DCAF10: variants seen among roughly 807,000 people sequenced by gnomAD.
The protein encoded by DCAF10 is DDB1 and CUL4 associated factor 10, also known as DDB1- and CUL4-associated factor 10.
A neutral mutation model predicts 51.9 loss-of-function variants in DCAF10; 19 were observed. That is an observed-to-expected ratio of 0.37 (90% CI 0.26 to 0.54). The LOEUF (loss-of-function observed/expected upper bound fraction) is 0.54, where lower values mean the gene tolerates loss of function less well. DCAF10 is among the 20% of genes least tolerant of loss of function. DCAF10 has a pLI of 0.87. For missense variants in DCAF10, 510 were observed against 730.6 expected (o/e 0.70, Z 3.48); for synonymous variants, 291 against 297.1 (o/e 0.98, Z 0.21).
rs1403129126 is a variant in DCAF10 at position 37,801,060 on chromosome 9, C to T, written c.194C>T (p.Ala65Val). 2.0e-6 allele frequency: 3 copies of T among 1,532,858 alleles called. No homozygotes were observed. The highest frequency in any genetic ancestry group is 2.6e-6 in the Non-Finnish European group (3 of 1,148,008). 95.0% of individuals were successfully genotyped at this position (1,532,858 alleles called of 1,614,324 possible). A position where few individuals can be genotyped will look rare whatever the true frequency, so the allele number is the denominator to read the frequency against. The change falls in exon 1 of 7, where the codon GCC becomes GTC. Residue 65 changes from alanine to valine, a missense_variant. This residue lies in a region of DCAF10 where 251 missense variants were observed against 227.9 expected (regional missense o/e 1.10). Transcript: ENST00000377724. This position sits in a 1 kb window ranked among gnomAD's most constrained non-coding sequence, Gnocchi z 5.5. ...RRPGAPSLSP[A>V]PRSGELGLPG... ...CCCGGCGCCCCATCGCTGTCCCCGG[C>T]CCCGCGCTCCGGAGAGCTAGGGCTG...
intron 2 of DCAF10, among the ~76,000 whole-genome samples, chr9:37,837,457 CAAAAAAA>C (rs555983041): frequency 4.7e-5 from 4 of 85,674 alleles, no homozygotes; most frequent in South Asian, 1.1e-3. Context: ...GACTCCATCT[CAAAAAAA>C]AAAAAAAAAA....
At chr9:37,836,954 A>G (rs1000695952) in intron 2 of DCAF10, among the ~76,000 whole-genome samples, 3 of 152,164 alleles carry the variant, frequency 2.0e-5, no homozygotes, top group African/African-American at 4.8e-5. Flanking sequence ...TAGATCAAAC[A>G]CATTTATGGC....
At chr9:37,811,182 A>C (rs988126253) in intron 1 of DCAF10, among the ~76,000 whole-genome samples, 2 of 151,964 alleles carry the variant, frequency 1.3e-5, no homozygotes, top group Non-Finnish European at 2.9e-5. Flanking sequence ...AAATCTAAAA[A>C]TTAGCTGGGC....
chr9:37,864,138 T>G lies in DCAF10; in HGVS notation c.*2630T>G, dbSNP rs1014249248. 2.0e-5 allele frequency: 3 copies of G among 148,930 alleles called. No homozygotes were observed. Among genetic ancestry groups the G allele is most frequent in the South Asian group, 4.3e-4 (2 of 4,696 alleles). The allele number at this position is 148,930 out of a possible 1,614,324, so 9.2% of individuals were successfully genotyped here. A position where few individuals can be genotyped will look rare whatever the true frequency, so the allele number is the denominator to read the frequency against. On this transcript the variant is annotated 3_prime_UTR_variant, in exon 7 of 7. Coordinates refer to ENST00000377724, the MANE Select transcript of DCAF10 (RefSeq NM_024345.5). Reference sequence around the variant, plus strand: ...CCATCTCTACCAAAAATACAAAAATTAGATGGGCATGTTGGTACACGCCTG... The same window carrying G: ...CCATCTCTACCAAAAATACAAAAATGAGATGGGCATGTTGGTACACGCCTG...
At chr9:37,859,824 A>G (rs1276037858) in intron 5 of DCAF10, among the ~76,000 whole-genome samples, 1 of 152,126 alleles carries the variant, frequency 6.6e-6, no homozygotes. Flanking sequence ...TGCTGTGGGA[A>G]CTTGGATCTT....
chr9:37,839,208 G>A (rs960054464), intron 2 of DCAF10, among the ~76,000 whole-genome samples: 8 of 151,770 alleles, frequency 5.3e-5, no homozygotes, highest in South Asian at 2.1e-4. Flanking sequence ...ACAGGCGCCC[G>A]CCACCATGCC....
At chr9:37,860,300 G>C in intron 6 of DCAF10, 107 bp downstream of exon 6, 1 of 1,415,166 alleles carries the variant, frequency 7.1e-7, no homozygotes, top group Non-Finnish European at 9.7e-7. Flanking sequence ...GCCTTCAAGG[G>C]CATACTGCTA....
At chr9:37,808,456 T>TATAA in intron 1 of DCAF10, among the ~76,000 whole-genome samples, 1 of 133,610 alleles carries the variant, frequency 7.5e-6, no homozygotes, top group Non-Finnish European at 1.5e-5. Context: ...TAAAAGTATA[T>TATAA]TATATATAAT....
chr9:37,813,344 C>G (rs1829411881), intron 1 of DCAF10, among the ~76,000 whole-genome samples: 2 of 152,204 alleles, frequency 1.3e-5, no homozygotes, highest in Admixed American at 1.3e-4. Flanking sequence ...TATCCTCCTG[C>G]CTTGGACTCC....
intron 2 of DCAF10, among the ~76,000 whole-genome samples, chr9:37,840,255 C>T (rs1830291825): frequency 6.6e-6 from 1 of 152,024 alleles, no homozygotes; most frequent in Admixed American, 6.5e-5. Context: ...AGAATGTACT[C>T]CTACTTAAAA....
intron 6 of DCAF10, chr9:37,860,408 T>C: frequency 1.9e-6 from 1 of 522,490 alleles, no homozygotes; most frequent in Non-Finnish European, 3.1e-6. Flanking sequence ...CTGCTGGGGT[T>C]GAGCAAGGTG....
At chr9:37,823,823 T>C (rs991777841) in intron 2 of DCAF10, among the ~76,000 whole-genome samples, 14 of 151,946 alleles carry the variant, frequency 9.2e-5, no homozygotes, top group Non-Finnish European at 1.8e-4. Context: ...TTTACTTTCA[T>C]TTTTTTCATG....
chr9:37,837,861 A>C (rs1456293009), intron 2 of DCAF10, among the ~76,000 whole-genome samples: 1 of 150,984 alleles, frequency 6.6e-6, no homozygotes, highest in African/African-American at 2.4e-5. Flanking sequence ...AAAAAAAAAG[A>C]ATTAAAATTT....
intron 2 of DCAF10, 39 bp downstream of exon 2, chr9:37,819,440 G>T (rs758384818): frequency 6.7e-7 from 1 of 1,487,368 alleles, no homozygotes; most frequent in East Asian, 2.3e-5. Context: ...TATCAGTGTG[G>T]CCCAAAATGT....
intron 3 of DCAF10, among the ~76,000 whole-genome samples, chr9:37,850,829 TATATATATATATATA>T (rs1564048659): frequency 0.022 from 1,507 of 67,892 alleles, 59 homozygotes; most frequent in Middle Eastern, 0.032. Flanking sequence ...ATATATTTTA[TATATATATATATATA>T]TATATATATA....
At chr9:37,835,509 G>A (rs1337354147) in intron 2 of DCAF10, among the ~76,000 whole-genome samples, 1 of 152,040 alleles carries the variant, frequency 6.6e-6, no homozygotes, top group African/African-American at 2.4e-5. Context: ...AGCCCGGAAG[G>A]TGGAGTTGCA....
intron 3 of DCAF10, among the ~76,000 whole-genome samples, chr9:37,851,867 T>C (rs537768451): frequency 1.0e-5 from 1 of 99,654 alleles, no homozygotes; most frequent in Non-Finnish European, 2.1e-5. Context: ...AAAAAGATAC[T>C]GAAATGAAAA....
rs1383322098 is a variant in DCAF10 at position 37,864,380 on chromosome 9, G to A, written c.*2872G>A. On this transcript the variant is annotated 3_prime_UTR_variant, in exon 7 of 7. Coordinates refer to ENST00000377724, the MANE Select transcript of DCAF10 (RefSeq NM_024345.5). Reference sequence around the variant, plus strand: ...GTGGATCACTTGAGGTCAGGAGTTTGAGAACAGCCTAGCCAACATGGTGAA... The same window carrying A: ...GTGGATCACTTGAGGTCAGGAGTTTAAGAACAGCCTAGCCAACATGGTGAA... 2 of 152,124 alleles carry A rather than the reference G, an allele frequency of 1.3e-5. No homozygotes were observed. The highest frequency in any genetic ancestry group is 2.4e-5 in the African/African-American group (1 of 41,356). The allele number at this position is 152,124 out of a possible 1,614,324, so 9.4% of individuals were successfully genotyped here.
intron 1 of DCAF10, among the ~76,000 whole-genome samples, chr9:37,806,118 C>T (rs2119015311): frequency 6.6e-6 from 1 of 152,242 alleles, no homozygotes; most frequent in Middle Eastern, 3.4e-3. Flanking sequence ...AATAAAAGAA[C>T]AGTACCTCTT....
Sources: allele counts gnomAD v4.1 joint callset (sites outside exome capture counted in the v4.1 genomes callset), GRCh38; gene constraint gnomAD v4.1.1; regional missense constraint gnomAD v4.1.1; non-coding constraint Gnocchi (gnomAD v3.1); transcripts MANE v1.5; gene names NCBI Gene and HGNC (gene_info 2026-07-23, HGNC 2026-07-21).